The following TIAM2 variants were observed in gnomAD, a reference collection of about 807,000 sequenced individuals.
TIAM2 encodes the protein TIAM Rac1 associated GEF 2, also known as rho guanine nucleotide exchange factor TIAM2.
TIAM2 carries 80 observed loss-of-function variants against 152.9 expected under a neutral mutation model. The observed-to-expected ratio is 0.52, with a 90% CI of 0.44 to 0.63. The LOEUF is 0.63. TIAM2 is among the 30% of genes least tolerant of loss of function. The probability of loss-of-function intolerance (pLI) is 0.00; values close to 1 mark genes in which losing one functional copy is unlikely to be tolerated. For synonymous variants in TIAM2, 804 were observed against 838.0 expected, an observed-to-expected ratio of 0.96 and a Z score of 0.70; for missense variants, 1,965 against 2,120.1, an observed-to-expected ratio of 0.93 and a Z score of 1.44.
intron 15 of TIAM2, among the ~76,000 whole-genome samples, chr6:155,217,634 G>A (rs894870037): frequency 7.9e-5 from 12 of 152,022 alleles, no homozygotes; most frequent in Non-Finnish European, 1.6e-4. Context: ...ATAATTTTTC[G>A]GCTTTGTGGA....
Position 155,176,981 on chromosome 6 carries a change from A to T in TIAM2, c.2523+4A>T. 1 of 1,603,368 alleles carries T rather than the reference A, an allele frequency of 6.2e-7. No individual in the cohort carries two copies. Among genetic ancestry groups the T allele is most frequent in the South Asian group, 1.1e-5 (1 of 89,228 alleles). ...TATTTTGACTTTGGCATGCAAGGTA[A>T]CGGATTTTGCTGCAGAAATATATTT... is the stretch of plus-strand genomic sequence containing the variant. On this transcript the variant is annotated splice_donor_region_variant and intron_variant, in intron 10 of 26. Transcript: ENST00000682666.
At chr6:155,135,313 G>A (rs1174765584) in intron 4 of TIAM2, among the ~76,000 whole-genome samples, 4 of 152,132 alleles carry the variant, frequency 2.6e-5, no homozygotes, top group Non-Finnish European at 5.9e-5. Context: ...TTCTGAAAAG[G>A]AAACCTCTCT....
At chr6:155,188,484 A>G (rs1781110209) in intron 14 of TIAM2, among the ~76,000 whole-genome samples, 1 of 152,220 alleles carries the variant, frequency 6.6e-6, no homozygotes, top group Admixed American at 6.5e-5. Context: ...TGGAGAGAGG[A>G]AATGTCCGTA....
chr6:155,152,563 C>G (rs941971340), intron 7 of TIAM2, among the ~76,000 whole-genome samples: 2 of 152,176 alleles, frequency 1.3e-5, no homozygotes, highest in Non-Finnish European at 2.9e-5. Flanking sequence ...TACCATGTCT[C>G]ATCCATGGTG....
intron 14 of TIAM2, among the ~76,000 whole-genome samples, chr6:155,203,192 A>G (rs955286514): frequency 1.3e-5 from 2 of 152,188 alleles, no homozygotes; most frequent in African/African-American, 4.8e-5. Flanking sequence ...AATTGAAAAA[A>G]AGTCTTAATT....
intron 1 of TIAM2, among the ~76,000 whole-genome samples, chr6:155,088,357 A>G (rs1237152940): frequency 2.0e-5 from 3 of 152,132 alleles, no homozygotes; most frequent in African/African-American, 7.2e-5. Flanking sequence ...CTGGGATTAC[A>G]GGCGTGAGCC....
rs547146428 is a variant in TIAM2 at position 155,243,059 on chromosome 6, A to G, written c.3349-952A>G. Among the ~76,000 whole-genome samples, 5 of 152,150 alleles carry G rather than the reference A, an allele frequency of 3.3e-5. No individual in the cohort carries two copies. The South Asian group carries it at 8.3e-4, about 25-fold the overall frequency. On this transcript the variant is annotated intron_variant, in intron 16 of 26. Transcript: ENST00000682666. ...TGCCTGGCTTTGGCTTCAAATTATT[A>G]AACAAAATCTTTCGCTCATGGGTTT... is the stretch of plus-strand genomic sequence containing the variant.
intron 1 of TIAM2, among the ~76,000 whole-genome samples, chr6:155,036,376 AC>A (rs1317221873): frequency 4.6e-5 from 7 of 151,866 alleles, no homozygotes; most frequent in African/African-American, 1.7e-4. Flanking sequence ...TACCAAAAAT[AC>A]AAAAAAATTA....
At position 155,250,953 on chromosome 6, in the gene TIAM2, C is replaced by T. The variant is rs774102649; in HGVS notation, c.3992C>T (p.Thr1331Met). The change falls in exon 22 of 27, where the codon ACG becomes ATG. Residue 1331 changes from threonine (T) to methionine (M), a missense_variant. Transcript: ENST00000682666. Reference protein sequence around the residue: ...LSMGELLMHSTVSWLNPFLSL... With the variant: ...LSMGELLMHSMVSWLNPFLSL... ...ATGGGAGAGCTTCTGATGCACTCTA[C>T]GGTTTCCTGGTTGAATCCATTTCTG... 1.2e-5 allele frequency: 19 copies of T among 1,614,084 alleles called. No homozygotes were observed. The highest frequency in any genetic ancestry group is 1.6e-4 in the Middle Eastern group (1 of 6,084).
At chr6:155,041,574 A>G (rs1322937370) in intron 1 of TIAM2, among the ~76,000 whole-genome samples, 1 of 152,244 alleles carries the variant, frequency 6.6e-6, no homozygotes, top group Non-Finnish European at 1.5e-5. Flanking sequence ...GGAATTAAAA[A>G]AAGAAGAAAG....
chr6:155,253,766 T>C (rs2115363031), intron 24 of TIAM2: 1 of 503,264 alleles, frequency 2.0e-6, no homozygotes, highest in East Asian at 3.3e-5. Context: ...GAGGAAAATC[T>C]GCAGCAGGAA....
At chr6:155,169,237 C>T (rs1343403145) in intron 9 of TIAM2, among the ~76,000 whole-genome samples, 3 of 152,094 alleles carry the variant, frequency 2.0e-5, no homozygotes, top group African/African-American at 7.2e-5. Flanking sequence ...CCTTGTGATC[C>T]ACCCACCTCG....
intron 1 of TIAM2, among the ~76,000 whole-genome samples, chr6:155,036,314 C>T (rs1776920082): frequency 6.6e-6 from 1 of 151,964 alleles, no homozygotes; most frequent in Non-Finnish European, 1.5e-5. Flanking sequence ...GGGAAGATCA[C>T]TTGAGGTCAG....
chr6:155,044,872 C>G (rs964875240), intron 1 of TIAM2, among the ~76,000 whole-genome samples: 5 of 151,832 alleles, frequency 3.3e-5, no homozygotes, highest in Non-Finnish European at 5.9e-5. Context: ...TATATTATCC[C>G]TCTCTATTAA....
rs373361803 is a variant in TIAM2, at chr6:155,146,768, A to ATTT, written c.1804-1322_1804-1320dup. On this transcript the variant is annotated intron_variant, in intron 6 of 26. Transcript: ENST00000682666. ...AGGTGCCCGCCGCTATGCCTGGCTA[A>ATTT]TTTTTTTTTTTTTTTTTTTTTTGTA... 5.0e-3 allele frequency among the ~76,000 whole-genome samples: 685 copies of ATTT among 135,818 alleles called. 14 individuals carry two copies. Among genetic ancestry groups the ATTT allele is most frequent in the African/African-American group, 0.018 (645 of 35,516 alleles). The allele number at this position is 135,818 out of a possible 152,430, so 89.1% of individuals were successfully genotyped here.
At chr6:155,013,008 A>T (rs1778514422) in intron 1 of TIAM2, among the ~76,000 whole-genome samples, 1 of 152,122 alleles carries the variant, frequency 6.6e-6, no homozygotes, top group South Asian at 2.1e-4. Flanking sequence ...TAACCTGCCC[A>T]GTTTCTCCCA....
chr6:155,002,450 C>T (rs1323165030), intron 1 of TIAM2, among the ~76,000 whole-genome samples: 1 of 152,018 alleles, frequency 6.6e-6, no homozygotes, highest in African/African-American at 2.4e-5. Flanking sequence ...TAGAACCTGG[C>T]CTGACGAAAT....
rs1781047814 is a variant in TIAM2, at chr6:155,186,576, C to T, written c.3064+3076C>T. On this transcript the variant is annotated intron_variant, in intron 14 of 26. Transcript: ENST00000682666. The surrounding 1 kb of genome is among the most constrained non-coding windows in gnomAD (Gnocchi z 4.5). The stretch of plus-strand genomic sequence containing the variant: ...TCCAGAGGATAATGTTTCTCCCCTG[C>T]CCCTGTGGTCCCTGTGAGTTTGGGG... Among the ~76,000 whole-genome samples, 1 of 152,176 alleles carries T rather than the reference C, an allele frequency of 6.6e-6. No individual in the cohort carries two copies. Among genetic ancestry groups the T allele is most frequent in the South Asian group, 2.1e-4 (1 of 4,828 alleles).
At chr6:155,185,583 T>C (rs1781024654) in intron 14 of TIAM2, among the ~76,000 whole-genome samples, 1 of 152,102 alleles carries the variant, frequency 6.6e-6, no homozygotes, top group Admixed American at 6.6e-5. Flanking sequence ...ATCTGTTAAA[T>C]AGCTATTCTA....
Sources: allele counts gnomAD v4.1 joint callset (sites outside exome capture counted in the v4.1 genomes callset), GRCh38; gene constraint gnomAD v4.1.1; non-coding constraint Gnocchi (gnomAD v3.1); transcripts MANE v1.5; gene names NCBI Gene and HGNC (gene_info 2026-07-23, HGNC 2026-07-21).